RTCB: variants seen among roughly 807,000 people sequenced by gnomAD.
The protein encoded by RTCB is RNA-splicing ligase RTCB.
Under a neutral mutation model 58.2 loss-of-function variants are expected in RTCB, and 32 were observed. That is an observed-to-expected ratio of 0.55 (90% confidence interval 0.41 to 0.74). The LOEUF (loss-of-function observed/expected upper bound fraction) is 0.74. RTCB is among the 30% of genes least tolerant of loss of function. The pLI is 0.00. For missense variants in RTCB, 523 were observed against 639.0 expected, an observed-to-expected ratio of 0.82 and a Z score of 1.96; for synonymous variants, 247 against 218.6, an observed-to-expected ratio of 1.13 and a Z score of -1.15.
intron 5 of RTCB, 36 bp downstream of exon 5, chr22:32,401,711 C>G (rs956906672): frequency 3.1e-6 from 5 of 1,601,794 alleles, no homozygotes; most frequent in East Asian, 4.5e-5. Context: ...GGTTATTATC[C>G]CTCCCATACC....
chr22:32,409,555 G>A (rs1933484646), intron 1 of RTCB, among the ~76,000 whole-genome samples: 1 of 150,528 alleles, frequency 6.6e-6, no homozygotes, highest in Non-Finnish European at 1.5e-5. Flanking sequence ...CAGTAATGGA[G>A]AACCAAAGAT....
chr22:32,392,456 C>A, intron 10 of RTCB, 97 bp from the exon 11 acceptor site: 1 of 1,476,728 alleles, frequency 6.8e-7, no homozygotes, highest in Non-Finnish European at 9.4e-7. Flanking sequence ...AAAAAAACAT[C>A]TTTTTTACTT....
chr22:32,407,724 C>T (rs892652458), intron 3 of RTCB, among the ~76,000 whole-genome samples: 8 of 152,170 alleles, frequency 5.3e-5, no homozygotes, highest in African/African-American at 1.9e-4. Flanking sequence ...GAAATACCAT[C>T]CAGATTCAAT....
chr22:32,408,779 A>C lies in RTCB; in HGVS notation c.148T>G (p.Leu50Val), dbSNP rs1179042850. Residue 50 changes from leucine to valine, a missense_variant, in exon 2 of 12, where the codon TTA becomes GTA. By Grantham distance (32) the Leu-to-Val change is conservative (BLOSUM62 1). Around this residue, in one of 3 missense-constraint regions of RTCB, gnomAD observed 134 missense variants for 129.9 expected, o/e 1.03. Coordinates refer to ENST00000216038, the MANE Select transcript of RTCB (RefSeq NM_014306.5). ...CCACCACCTCGACAGGCATTCCTTA[A>C]TTCCTCAAACATCAATTTCTCCAGA... is the stretch of plus-strand genomic sequence containing the variant. ...DALEKLMFEE[L>V]RNACRGGGVG... 6.2e-7 allele frequency: 1 copy of C among 1,613,918 alleles called. No individual in the cohort carries two copies. The highest frequency in any genetic ancestry group is 1.3e-5 in the African/African-American group (1 of 75,052).
intron 1 of RTCB, 94 bp downstream of exon 1, chr22:32,411,970 C>G: frequency 1.1e-6 from 1 of 879,632 alleles, no homozygotes; most frequent in Non-Finnish European, 1.7e-6. Flanking sequence ...CCGGGGCGGA[C>G]CCAGTGGTCA....
intron 7 of RTCB, among the ~76,000 whole-genome samples, chr22:32,397,614 T>C (rs1261064597): frequency 6.6e-6 from 1 of 152,212 alleles, no homozygotes; most frequent in African/African-American, 2.4e-5. Context: ...TTCCACTCTT[T>C]ACACATTTCT....
intron 8 of RTCB, among the ~76,000 whole-genome samples, chr22:32,395,558 G>A (rs1569440829): frequency 6.6e-6 from 1 of 152,158 alleles, no homozygotes; most frequent in South Asian, 2.1e-4. Context: ...TTGATTCTCT[G>A]CTCTCATTTC....
In RTCB at chr22:32,410,791, C is replaced by T. The variant is rs1279783461; in HGVS notation, c.93+1273G>A. On this transcript the variant is annotated intron_variant, in intron 1 of 11. Transcript: ENST00000216038. ...TGCAGTTTAGAATGATCACGGGTCA[C>T]TGCAGCCAAGATCTCCCAGGCTCAA... 2.7e-5 allele frequency among the ~76,000 whole-genome samples: 4 copies of T among 150,584 alleles called. No individual in the cohort carries two copies. In the East Asian group the frequency reaches 6.0e-4, roughly 23 times the overall value.
chr22:32,409,311 G>A (rs1933480619), intron 1 of RTCB, among the ~76,000 whole-genome samples: 1 of 152,014 alleles, frequency 6.6e-6, no homozygotes, highest in African/African-American at 2.4e-5. Context: ...ACATTTTATT[G>A]TGCTCTAGTG....
chr22:32,396,783 A>G (rs961946973), intron 7 of RTCB, among the ~76,000 whole-genome samples: 1 of 152,328 alleles, frequency 6.6e-6, no homozygotes, highest in African/African-American at 2.4e-5. Context: ...TTTTAAGCTT[A>G]TAACAATTTC....
At chr22:32,406,514 G>T in intron 4 of RTCB, 148 bp downstream of exon 4, 1 of 495,346 alleles carries the variant, frequency 2.0e-6, no homozygotes. Flanking sequence ...ATAGAGACAC[G>T]GTTTCACCAT....
In RTCB at chr22:32,395,191, T is replaced by A. The variant is rs1933225855; in HGVS notation, c.1014A>T (p.Thr338=). 5 of 1,613,094 alleles carry A rather than the reference T, an allele frequency of 3.1e-6. No individual in the cohort carries two copies. The highest frequency in any genetic ancestry group is 3.4e-6 in the Non-Finnish European group (4 of 1,178,992). Residue 338 remains threonine, a synonymous_variant, in exon 9 of 12, where the codon ACA becomes ACT. Transcript: ENST00000216038. ...TRQAFAKVFN[T]TPDDLDLHVI... is the part of the protein sequence containing the mutation. ...CATGTAGGTCCAAGTCATCAGGGGT[T>A]GTGTTGAAGACCTTGGCGAAAGCCT...
intron 6 of RTCB, among the ~76,000 whole-genome samples, chr22:32,399,363 C>T (rs1043640459): frequency 2.6e-5 from 4 of 151,414 alleles, no homozygotes; most frequent in East Asian, 1.9e-4. Flanking sequence ...AGGCTGGTCT[C>T]GAACTCCTGG....
At chr22:32,403,172 C>T (rs575356876) in intron 4 of RTCB, among the ~76,000 whole-genome samples, 17 of 151,924 alleles carry the variant, frequency 1.1e-4, no homozygotes, top group South Asian at 6.2e-4. Flanking sequence ...TTTGGGAGGC[C>T]GAGGCGGGCG....
At chr22:32,397,162 T>G (rs1164651490) in intron 7 of RTCB, among the ~76,000 whole-genome samples, 1 of 152,234 alleles carries the variant, frequency 6.6e-6, no homozygotes, top group Non-Finnish European at 1.5e-5. Context: ...AAAGTTTCTT[T>G]TGTTTTTTGT....
At chr22:32,392,470 C>T (rs751598518) in intron 10 of RTCB, 111 bp from the exon 11 acceptor site, 51 of 1,393,870 alleles carry the variant, frequency 3.7e-5, no homozygotes, top group Non-Finnish European at 4.7e-5. Flanking sequence ...TTTACTTTAT[C>T]GAATTGGTAA....
chr22:32,399,303 AT>A (rs879258614), intron 6 of RTCB, among the ~76,000 whole-genome samples: 418 of 143,380 alleles, frequency 2.9e-3, no homozygotes, highest in Middle Eastern at 0.014. Context: ...TGCCTGGCTA[AT>A]TTTTTTTTTT....
At chr22:32,411,598 C>G (rs1305404692) in intron 1 of RTCB, among the ~76,000 whole-genome samples, 1 of 152,198 alleles carries the variant, frequency 6.6e-6, no homozygotes, top group Non-Finnish European at 1.5e-5. Context: ...ACATGCGATA[C>G]TGAATGCTGA....
intron 11 of RTCB, among the ~76,000 whole-genome samples, chr22:32,389,957 C>G (rs1029085608): frequency 3.1e-4 from 47 of 152,192 alleles, no homozygotes; most frequent in Non-Finnish European, 1.0e-4. Context: ...TTCTTGAACA[C>G]TCCTTCATAA....
Sources: allele counts gnomAD v4.1 joint callset (sites outside exome capture counted in the v4.1 genomes callset), GRCh38; gene constraint gnomAD v4.1.1; regional missense constraint gnomAD v4.1.1; transcripts MANE v1.5; gene names NCBI Gene and HGNC (gene_info 2026-07-23, HGNC 2026-07-21).